The following ANKS1B variants were observed in gnomAD, a reference collection of about 807,000 sequenced individuals.
ANKS1B encodes the protein ankyrin repeat and sterile alpha motif domain containing 1B, also known as ankyrin repeat and sterile alpha motif domain-containing protein 1B.
In ANKS1B, 36 loss-of-function variants were observed where a neutral mutation model predicts 148.3. That is an observed-to-expected ratio of 0.24 (90% confidence interval 0.19 to 0.32). The LOEUF (loss-of-function observed/expected upper bound fraction) is 0.32, where lower values mean the gene tolerates loss of function less well. Ranked by LOEUF, ANKS1B falls within the 10% of genes least tolerant of loss-of-function variation. The pLI, the probability that ANKS1B is intolerant of heterozygous loss-of-function variation, is 1.00. For missense variants in ANKS1B, 1,157 were observed against 1,542.6 expected (o/e 0.75, Z 4.19); for synonymous variants, 542 against 560.8 (o/e 0.97, Z 0.47).
At chr12:98,756,803 C>T in intron 25 of ANKS1B, among the ~76,000 whole-genome samples, 1 of 150,108 alleles carries the variant, frequency 6.7e-6, no homozygotes, top group East Asian at 2.0e-4. Flanking sequence ...TCTTGGCTCA[C>T]TGCAACCTGT....
intron 15 of ANKS1B, among the ~76,000 whole-genome samples, chr12:99,137,043 G>C (rs1051232215): frequency 6.6e-6 from 1 of 152,130 alleles, no homozygotes; most frequent in Non-Finnish European, 1.5e-5. Context: ...GTGCTTTCAA[G>C]GACACAAGAG....
chr12:98,845,288 G>C (rs58441307), intron 17 of ANKS1B, among the ~76,000 whole-genome samples: 1,980 of 152,280 alleles, frequency 0.013, 40 homozygotes, highest in African/African-American at 0.044. Context: ...TTTGAATCCA[G>C]TTCCGACTTC....
At chr12:99,417,888 C>G (rs1370013481) in intron 11 of ANKS1B, among the ~76,000 whole-genome samples, 1 of 152,140 alleles carries the variant, frequency 6.6e-6, no homozygotes, top group Non-Finnish European at 1.5e-5. Flanking sequence ...GTGGATTTAT[C>G]AGGAAAAACC....
chr12:99,980,680 C>G (rs1247430291), intron 1 of ANKS1B, among the ~76,000 whole-genome samples: 1 of 151,994 alleles, frequency 6.6e-6, no homozygotes, highest in African/African-American at 2.4e-5. Flanking sequence ...TTCTTAACAT[C>G]TATGCTGTCT....
intron 1 of ANKS1B, among the ~76,000 whole-genome samples, chr12:99,924,876 C>T (rs757887737): frequency 4.6e-5 from 7 of 152,106 alleles, no homozygotes; most frequent in Non-Finnish European, 7.4e-5. Context: ...CTTCATCAAA[C>T]GGCACCCACA....
At position 99,946,086 on chromosome 12, in the gene ANKS1B, G is replaced by T. The variant is rs12318236; in HGVS notation, c.134+38018C>A. On this transcript the variant is annotated intron_variant, in intron 1 of 26. Coordinates refer to ENST00000683438, the MANE Select transcript of ANKS1B (RefSeq NM_001352186.2). ...CTCACTGAGAAATTGGAGGTTGTTT[G>T]TTATGGAAGGATAACCTAACCTGTA... Among the ~76,000 whole-genome samples the T allele has an allele frequency of 5.2e-3, 796 of 152,282 alleles. 5 individuals carry two copies. Among genetic ancestry groups the T allele is most frequent in the African/African-American group, 0.018 (752 of 41,558 alleles).
intron 11 of ANKS1B, among the ~76,000 whole-genome samples, chr12:99,406,907 G>C (rs115250834): frequency 0.02 from 2,871 of 145,534 alleles, 493 homozygotes; most frequent in African/African-American, 0.071. Flanking sequence ...GCAAAGAAAA[G>C]CCCAGGATCT....
intron 17 of ANKS1B, among the ~76,000 whole-genome samples, chr12:98,921,122 C>A (rs2099800846): frequency 2.0e-5 from 3 of 152,240 alleles, no homozygotes; most frequent in South Asian, 2.1e-4. Flanking sequence ...TTTCTTCTTT[C>A]ATTTTTAAAT....
At chr12:98,804,866 T>C (rs552082604) in intron 20 of ANKS1B, among the ~76,000 whole-genome samples, 10 of 152,310 alleles carry the variant, frequency 6.6e-5, no homozygotes, top group East Asian at 3.9e-4. Context: ...TATTTTTAAA[T>C]TTAGTAATTT....
rs184218020 is a variant in ANKS1B, at chr12:98,917,220, G to A, written c.2779-85084C>T. Among the ~76,000 whole-genome samples the A allele has an allele frequency of 7.9e-5, 12 of 152,248 alleles. No individual in the cohort carries two copies. The East Asian group carries it at 1.3e-3, about 17-fold the overall frequency. ...AAGCAATTATTATTAGCATTTTCCCGTTGGAGAAATTGATATAGAGAGCGG... is the reference window on the plus strand; with the variant it reads ...AAGCAATTATTATTAGCATTTTCCCATTGGAGAAATTGATATAGAGAGCGG... On this transcript the variant is annotated intron_variant, in intron 17 of 26. Transcript: ENST00000683438.
chr12:99,079,341 G>A (rs920686758), intron 16 of ANKS1B, among the ~76,000 whole-genome samples: 12 of 152,140 alleles, frequency 7.9e-5, no homozygotes, highest in Admixed American at 2.0e-4. Flanking sequence ...GGATAGAGAA[G>A]GGGGTAATTT....
At chr12:99,387,893 C>A (rs968582417) in intron 12 of ANKS1B, among the ~76,000 whole-genome samples, 7 of 124,996 alleles carry the variant, frequency 5.6e-5, no homozygotes, top group African/African-American at 1.6e-4. Flanking sequence ...GATTAGATGC[C>A]AAGGCATTCC....
intron 12 of ANKS1B, among the ~76,000 whole-genome samples, chr12:99,290,021 T>C (rs1161179670): frequency 6.6e-6 from 1 of 151,558 alleles, no homozygotes; most frequent in Non-Finnish European, 1.5e-5. Flanking sequence ...AAATGAAAAC[T>C]TTTAGCCAGA....
At position 99,984,274 on chromosome 12, in the gene ANKS1B, C is replaced by T. The variant is rs752752296; in HGVS notation, c.-37G>A. On this transcript the variant is annotated 5_prime_UTR_variant, in exon 1 of 27. Transcript: ENST00000683438. ...GACTCCCCCACAGAGTCCTTGCCCC[C>T]CTCGGGTCCTCCTCCCCACCCACCC... 6.3e-6 allele frequency: 10 copies of T among 1,583,210 alleles called. No homozygotes were observed. The highest frequency in any genetic ancestry group is 2.7e-5 in the African/African-American group (2 of 74,574).
chr12:99,352,556 G>A (rs1355264218), intron 12 of ANKS1B, among the ~76,000 whole-genome samples: 1 of 151,992 alleles, frequency 6.6e-6, no homozygotes, highest in African/African-American at 2.4e-5. Flanking sequence ...TAATGAAACT[G>A]TGCCTTAACA....
At chr12:98,985,998 T>A (rs2099923114) in intron 17 of ANKS1B, among the ~76,000 whole-genome samples, 1 of 152,206 alleles carries the variant, frequency 6.6e-6, no homozygotes, top group Non-Finnish European at 1.5e-5. Flanking sequence ...TTTTGCTGGT[T>A]ATAGAATTCA....
At chr12:99,419,187 A>C (rs1009865425) in intron 11 of ANKS1B, among the ~76,000 whole-genome samples, 3 of 152,120 alleles carry the variant, frequency 2.0e-5, no homozygotes, top group Non-Finnish European at 2.9e-5. Flanking sequence ...GTTAGTGTTA[A>C]TTCTTCTTTA....
chr12:99,880,011 T>G (rs1331713137), intron 1 of ANKS1B, among the ~76,000 whole-genome samples: 1 of 152,196 alleles, frequency 6.6e-6, no homozygotes. Flanking sequence ...TGCCTAGCCT[T>G]AAATCCTGTC....
rs577130690 is a variant in ANKS1B, at chr12:99,629,077, A to G, written c.1272+25990T>C. 3.3e-5 allele frequency among the ~76,000 whole-genome samples: 5 copies of G among 152,246 alleles called. No individual in the cohort carries two copies. The East Asian group carries it at 9.7e-4, about 29-fold the overall frequency. On this transcript the variant is annotated intron_variant, in intron 9 of 26. Transcript: ENST00000683438. ...AACACAGCTATGTCCGTTCATTTTC[A>G]TATTATCTATGGCTCATGATACAAT...
Sources: allele counts gnomAD v4.1 joint callset (sites outside exome capture counted in the v4.1 genomes callset), GRCh38; gene constraint gnomAD v4.1.1; transcripts MANE v1.5; gene names NCBI Gene and HGNC (gene_info 2026-07-23, HGNC 2026-07-21).